Variants in POT1 observed in about 807,000 individuals in gnomAD.
The protein encoded by POT1 is protection of telomeres protein 1.
Under a neutral mutation model 78.5 loss-of-function variants are expected in POT1, and 47 were observed. That is an observed-to-expected ratio of 0.60 (90% CI 0.47 to 0.76). The LOEUF (loss-of-function observed/expected upper bound fraction) is 0.76. Ranked by LOEUF, POT1 falls within the 30% of genes least tolerant of loss-of-function variation. The pLI is 0.00. For synonymous variants in POT1, 259 were observed against 260.7 expected (o/e 0.99, Z 0.06); for missense variants, 646 against 749.9 (o/e 0.86, Z 1.62).
intron 6 of POT1, among the ~76,000 whole-genome samples, chr7:124,888,305 A>G (rs1463782282): frequency 6.6e-6 from 1 of 152,064 alleles, no homozygotes; most frequent in Non-Finnish European, 1.5e-5. Context: ...TAGGCGCTCT[A>G]TTCAATTCCA....
chr7:124,842,404 C>T (rs997039844), intron 13 of POT1, among the ~76,000 whole-genome samples: 1 of 151,826 alleles, frequency 6.6e-6, no homozygotes, highest in Non-Finnish European at 1.5e-5. Flanking sequence ...AGTTATTAAG[C>T]AGGACAGAAG....
intron 6 of POT1, among the ~76,000 whole-genome samples, chr7:124,880,819 C>T (rs542261881): frequency 1.4e-4 from 13 of 94,776 alleles, no homozygotes; most frequent in Admixed American, 6.0e-4. Context: ...AACAATTTTA[C>T]AGAGGAACGT....
At chr7:124,920,543 T>C (rs1174127372) in intron 2 of POT1, among the ~76,000 whole-genome samples, 3 of 152,146 alleles carry the variant, frequency 2.0e-5, no homozygotes, top group Non-Finnish European at 2.9e-5. Context: ...AAACAGAATG[T>C]AGCACTAAAA....
intron 5 of POT1, among the ~76,000 whole-genome samples, chr7:124,894,798 C>T (rs1051707874): frequency 2.0e-5 from 3 of 151,400 alleles, no homozygotes; most frequent in African/African-American, 4.8e-5. Context: ...AATGTGTTAG[C>T]GGGAGAAATA....
intron 9 of POT1, chr7:124,853,671 CT>C (rs946334653): frequency 2.0e-5 from 3 of 152,096 alleles, no homozygotes; most frequent in African/African-American, 7.2e-5. Context: ...GGAAAGAAAA[CT>C]TCTGCATTTG....
chr7:124,849,830 G>A (rs1795261524), intron 11 of POT1, among the ~76,000 whole-genome samples: 1 of 152,046 alleles, frequency 6.6e-6, no homozygotes, highest in Non-Finnish European at 1.5e-5. Flanking sequence ...TATTGTTGAA[G>A]AAAGCAACTA....
chr7:124,884,604 T>C (rs931158345), intron 6 of POT1, among the ~76,000 whole-genome samples: 3 of 128,284 alleles, frequency 2.3e-5, no homozygotes, highest in Non-Finnish European at 5.0e-5. Context: ...GAGAGATCTC[T>C]AGCAAATAAA....
At chr7:124,914,298 T>A (rs931549957) in intron 3 of POT1, among the ~76,000 whole-genome samples, 1 of 152,150 alleles carries the variant, frequency 6.6e-6, no homozygotes, top group Non-Finnish European at 1.5e-5. Context: ...TGTTCTTTTT[T>A]AAGGTTGTTT....
intron 6 of POT1, among the ~76,000 whole-genome samples, chr7:124,891,450 G>A (rs148101639): frequency 0.012 from 1,801 of 150,594 alleles, 22 homozygotes; most frequent in South Asian, 0.036. Flanking sequence ...GTTGTATCTC[G>A]TTTTTTTTAA....
chr7:124,841,090 AT>A lies in POT1; in HGVS notation c.1251del (p.Leu418TyrfsTer17). ...GTGGTCCAGATTTTTGAATCATATA[AT>A]GATGTATTTTGTAGCTTGACATCTG... The part of the protein sequence containing the change: ...KTPDVKLQNT[S>X]LYDSKIWTTK... On this transcript the variant is annotated frameshift_variant, in exon 14 of 19. Coordinates refer to ENST00000357628, the MANE Select transcript of POT1 (RefSeq NM_015450.3). LOFTEE classifies it high-confidence loss of function. 1.2e-6 allele frequency: 2 copies of A among 1,612,720 alleles called. No homozygotes were observed. The highest frequency in any genetic ancestry group is 1.3e-5 in the African/African-American group (1 of 74,984).
Position 124,822,668 on chromosome 7 carries a change from A to G in POT1, c.*1294T>C, listed in dbSNP as rs1020775985. ...ATTTTTCCTGAAAATGTTTTGAACCAAGAGTCTATATTCTTGAAAATAAAA... is the reference window on the plus strand; with the variant it reads ...ATTTTTCCTGAAAATGTTTTGAACCGAGAGTCTATATTCTTGAAAATAAAA... On this transcript the variant is annotated 3_prime_UTR_variant, in exon 19 of 19. Transcript: ENST00000357628. 3 of 362,148 alleles carry G rather than the reference A, an allele frequency of 8.3e-6. No homozygotes were observed. The highest frequency in any genetic ancestry group is 1.8e-5 in the Non-Finnish European group (3 of 168,958). 22.4% of individuals were successfully genotyped at this position (362,148 alleles called of 1,614,324 possible). A position where few individuals can be genotyped will look rare whatever the true frequency, so the allele number is the denominator to read the frequency against.
At chr7:124,923,123 G>C in intron 2 of POT1, among the ~76,000 whole-genome samples, 1 of 150,514 alleles carries the variant, frequency 6.6e-6, no homozygotes, top group East Asian at 1.9e-4. Flanking sequence ...AGGGAAATAT[G>C]ATATCACCAA....
chr7:124,838,027 A>G (rs1794936502), intron 14 of POT1, among the ~76,000 whole-genome samples: 1 of 152,166 alleles, frequency 6.6e-6, no homozygotes, highest in Admixed American at 6.5e-5. Context: ...AATTCTCAGC[A>G]AACTAGGAAT....
At chr7:124,859,139 A>T in intron 8 of POT1, 27 bp from the exon 9 acceptor site, 2 of 1,452,330 alleles carry the variant, frequency 1.4e-6, no homozygotes, top group Non-Finnish European at 1.8e-6. Context: ...GAGTAGTTTT[A>T]TGATCCTTTT....
At chr7:124,920,086 C>G (rs1473529620) in intron 2 of POT1, among the ~76,000 whole-genome samples, 2 of 149,534 alleles carry the variant, frequency 1.3e-5, no homozygotes, top group African/African-American at 4.9e-5. Flanking sequence ...ACTATTTGAA[C>G]ATTTGACCTT....
chr7:124,923,286 T>G (rs6968187), intron 2 of POT1, among the ~76,000 whole-genome samples: 91,141 of 151,562 alleles, frequency 0.6, 27,536 homozygotes, highest in African/African-American at 0.65. Context: ...ATGAATTCTG[T>G]TTATGAATGA....
At chr7:124,856,816 G>C (rs116392154) in intron 9 of POT1, among the ~76,000 whole-genome samples, 2,590 of 152,174 alleles carry the variant, frequency 0.017, 70 homozygotes, top group African/African-American at 0.059. Flanking sequence ...CTCCAGAACT[G>C]AACTTATCAT....
At chr7:124,826,431 T>C (rs975707379) in intron 17 of POT1, among the ~76,000 whole-genome samples, 1 of 152,180 alleles carries the variant, frequency 6.6e-6, no homozygotes, top group Non-Finnish European at 1.5e-5. Context: ...AATTATCAAA[T>C]CTAAGAGTGG....
At chr7:124,894,042 C>T (rs922018064) in intron 5 of POT1, among the ~76,000 whole-genome samples, 3 of 151,592 alleles carry the variant, frequency 2.0e-5, no homozygotes, top group African/African-American at 7.2e-5. Context: ...TTTACAAGGA[C>T]ATGTTTGCAT....
Sources: allele counts gnomAD v4.1 joint callset (sites outside exome capture counted in the v4.1 genomes callset), GRCh38; gene constraint gnomAD v4.1.1; transcripts MANE v1.5; gene names NCBI Gene and HGNC (gene_info 2026-07-23, HGNC 2026-07-21).